PAK3: variants seen among roughly 807,000 people sequenced by gnomAD.
PAK3 encodes p21 (RAC1) activated kinase 3.
Under a neutral mutation model 41.0 loss-of-function variants are expected in PAK3, and 4 were observed. The observed-to-expected ratio is 0.10, with a 90% confidence interval of 0.05 to 0.22. The LOEUF (loss-of-function observed/expected upper bound fraction) is 0.22. Among genes scored for constraint, PAK3 ranks in the 10% least tolerant of loss-of-function variants. The probability of loss-of-function intolerance (pLI) is 1.00; values close to 1 mark genes in which losing one functional copy is unlikely to be tolerated. For synonymous variants in PAK3, 146 were observed against 139.6 expected (o/e 1.05, Z -0.32); for missense variants, 205 against 409.9 (o/e 0.50, Z 4.32).
chrX:111,052,561 G>A (rs1035886849), intron 1 of PAK3, among the ~76,000 whole-genome samples: 2 of 112,005 alleles, frequency 1.8e-5, no homozygotes, highest in African/African-American at 3.2e-5. Flanking sequence ...GGTGGGGGTG[G>A]GTACAATTAC....
At chrX:111,062,418 G>T (rs1280253995) in intron 1 of PAK3, among the ~76,000 whole-genome samples, 2 of 112,163 alleles carry the variant, frequency 1.8e-5, no homozygotes, top group African/African-American at 6.5e-5. Flanking sequence ...GTACAAACTT[G>T]AGACCAAATA....
intron 8 of PAK3, among the ~76,000 whole-genome samples, chrX:111,159,830 C>T (rs768377229): frequency 1.9e-3 from 211 of 111,822 alleles, no homozygotes; most frequent in Non-Finnish European, 3.2e-3. Context: ...ATCTATAAAC[C>T]ACTTAGCATT....
intron 1 of PAK3, among the ~76,000 whole-genome samples, chrX:111,077,183 T>C (rs2092792918): frequency 8.9e-6 from 1 of 111,994 alleles, no homozygotes; most frequent in Non-Finnish European, 1.9e-5. Flanking sequence ...GGCAAGATGT[T>C]CCATATACAT....
At chrX:111,011,653 A>C (rs200819965) in intron 1 of PAK3, among the ~76,000 whole-genome samples, 1 of 112,384 alleles carries the variant, frequency 8.9e-6, no homozygotes, top group East Asian at 2.8e-4. Context: ...AACAATGCAC[A>C]GGAATGTTCT....
At chrX:111,207,728 T>C (rs1465946216) in intron 16 of PAK3, among the ~76,000 whole-genome samples, 2 of 112,177 alleles carry the variant, frequency 1.8e-5, no homozygotes, top group African/African-American at 6.5e-5. Context: ...AACAGTGGTA[T>C]TGATGATCCT....
chrX:111,030,628 A>G (rs2092328876), intron 1 of PAK3, among the ~76,000 whole-genome samples: 1 of 111,106 alleles, frequency 9.0e-6, no homozygotes, highest in Admixed American at 9.6e-5. Context: ...TGGATAGTTG[A>G]AGGGATGTTG....
chrX:111,178,974 T>TAGAGAGAGAGAGAG (rs201910654), intron 11 of PAK3, among the ~76,000 whole-genome samples: 3 of 92,238 alleles, frequency 3.3e-5, no homozygotes, highest in African/African-American at 1.1e-4. Flanking sequence ...TATATATATA[T>TAGAGAGAGAGAGAG]ATATATAGAG....
intron 1 of PAK3, among the ~76,000 whole-genome samples, chrX:111,077,795 G>A (rs926316250): frequency 1.8e-5 from 2 of 111,581 alleles, no homozygotes; most frequent in South Asian, 3.7e-4. Flanking sequence ...CAACTAAAGC[G>A]AAATTAGACA....
chrX:110,991,601 C>G (rs1452927976), intron 1 of PAK3, among the ~76,000 whole-genome samples: 2 of 112,143 alleles, frequency 1.8e-5, no homozygotes, highest in African/African-American at 6.5e-5. Flanking sequence ...TAGATGTTAG[C>G]TGCTACAGTT....
intron 1 of PAK3, among the ~76,000 whole-genome samples, chrX:111,051,581 C>T (rs887775466): frequency 5.4e-5 from 6 of 111,708 alleles, no homozygotes; most frequent in Non-Finnish European, 9.4e-5. Context: ...TTTTCTTGCC[C>T]CATCACTGGG....
intron 16 of PAK3, among the ~76,000 whole-genome samples, chrX:111,198,365 A>G (rs1323073923): frequency 8.9e-6 from 1 of 112,510 alleles, no homozygotes; most frequent in Non-Finnish European, 1.9e-5. Flanking sequence ...TTTTGTTGAA[A>G]TTGCTTTTGG....
At chrX:111,190,183 T>G (rs2094548771) in intron 11 of PAK3, among the ~76,000 whole-genome samples, 1 of 110,929 alleles carries the variant, frequency 9.0e-6, no homozygotes, top group African/African-American at 3.3e-5. Flanking sequence ...CCAGTTCCAA[T>G]CGATATTTAG....
intron 1 of PAK3, among the ~76,000 whole-genome samples, chrX:110,964,388 G>A (rs755431524): frequency 8.9e-6 from 1 of 112,472 alleles, no homozygotes; most frequent in African/African-American, 3.2e-5. Context: ...CCATAGGTCT[G>A]GGGTGGAGCC....
intron 1 of PAK3, among the ~76,000 whole-genome samples, chrX:110,977,746 T>A (rs903237797): frequency 2.7e-5 from 3 of 112,162 alleles, no homozygotes; most frequent in Admixed American, 9.5e-5. Context: ...TGTATAATGA[T>A]CTTGTACCCT....
chrX:111,187,635 A>G (rs1359045174), intron 11 of PAK3, among the ~76,000 whole-genome samples: 2 of 111,375 alleles, frequency 1.8e-5, no homozygotes. Context: ...AGAGATTCAT[A>G]TTTATACCCG....
At chrX:110,960,357 G>A (rs2090953258) in intron 1 of PAK3, among the ~76,000 whole-genome samples, 1 of 112,164 alleles carries the variant, frequency 8.9e-6, no homozygotes, top group African/African-American at 3.2e-5. Flanking sequence ...AATGCTGGGA[G>A]AGAGGGATCA....
At chrX:110,976,830 C>G (rs185450263) in intron 1 of PAK3, among the ~76,000 whole-genome samples, 75 of 110,394 alleles carry the variant, frequency 6.8e-4, no homozygotes, top group African/African-American at 2.4e-3. Context: ...AAACTGGAAA[C>G]CATCATTCTC....
intron 1 of PAK3, among the ~76,000 whole-genome samples, chrX:110,946,871 AT>A (rs1240450726): frequency 1.7e-4 from 19 of 112,607 alleles, no homozygotes; most frequent in Admixed American, 4.7e-4. Context: ...GAATTTTTAC[AT>A]TTTAGGTACT....
chrX:111,162,968 AGAT>A lies in PAK3; in HGVS notation c.525_527del (p.Asp175del), dbSNP rs770793505. 1.8e-4 allele frequency: 222 copies of A among 1,202,696 alleles called. No individual in the cohort carries two copies. The highest frequency in any genetic ancestry group is 2.3e-4 in the Non-Finnish European group (204 of 888,799). ...TGGCCCCTCCTGTGTCTGAAGAAGA[AGAT>A]GAAGAGGAAGAAGAAGAAGAAGATG... On this transcript the variant is annotated inframe_deletion, in exon 9 of 18. Transcript: ENST00000372007.
Sources: allele counts gnomAD v4.1 joint callset (sites outside exome capture counted in the v4.1 genomes callset), GRCh38; gene constraint gnomAD v4.1.1; transcripts MANE v1.5; gene names NCBI Gene and HGNC (gene_info 2026-07-23, HGNC 2026-07-21).